The following DLG2 variants were observed in gnomAD, a reference collection of about 807,000 sequenced individuals.
DLG2 encodes disks large homolog 2.
In DLG2, 45 loss-of-function variants were observed where a neutral mutation model predicts 132.5. The ratio of observed to expected loss-of-function variants is 0.34; its 90% CI spans 0.27 to 0.44. DLG2 has a LOEUF of 0.44. DLG2 is among the 20% of genes least tolerant of loss of function. The pLI, the probability that DLG2 is intolerant of heterozygous loss-of-function variation, is 1.00. For synonymous variants in DLG2, 424 were observed against 419.6 expected (o/e 1.01, Z -0.13); for missense variants, 1,045 against 1,196.9 (o/e 0.87, Z 1.87).
At position 84,561,029 on chromosome 11, in the gene DLG2, T is replaced by A. The variant is rs190983967; in HGVS notation, c.358-26298A>T. ...GTTTGGTCTGGTATGGGGAGGCAAA[T>A]GTTAAATGCATAAGTGACTACTGAC... On this transcript the variant is annotated intron_variant, in intron 6 of 27. Coordinates refer to ENST00000376104, the MANE Select transcript of DLG2 (RefSeq NM_001142699.3). Among the ~76,000 whole-genome samples the A allele has an allele frequency of 2.0e-4, 30 of 152,158 alleles. 1 individual carries two copies. In the East Asian group the frequency reaches 5.0e-3, roughly 25 times the overall value.
intron 5 of DLG2, among the ~76,000 whole-genome samples, chr11:85,139,109 A>G (rs144003391): frequency 4.1e-4 from 63 of 152,178 alleles, no homozygotes; most frequent in African/African-American, 1.5e-3. Flanking sequence ...AATCTCTTCC[A>G]TCCCTTCTCC....
Position 83,682,140 on chromosome 11 carries a change from G to A in DLG2, c.1826-48815C>T, listed in dbSNP as rs2078933006. 4.1e-6 allele frequency: 4 copies of A among 985,252 alleles called. No individual in the cohort carries two copies. The Admixed American group carries it at 2.5e-4, about 61-fold the overall frequency. 61.0% of individuals were successfully genotyped at this position (985,252 alleles called of 1,614,324 possible). ...GCTTATTCAACAACAACGATTAGCT[G>A]CAAAGCCAGGAACTTACCGAGCACA... On this transcript the variant is annotated intron_variant, in intron 18 of 27. Coordinates refer to ENST00000376104, the MANE Select transcript of DLG2 (RefSeq NM_001142699.3).
chr11:83,663,727 G>A (rs1174624945), intron 18 of DLG2, among the ~76,000 whole-genome samples: 4 of 152,114 alleles, frequency 2.6e-5, no homozygotes, highest in Non-Finnish European at 5.9e-5. Flanking sequence ...TTAATGCCTG[G>A]TTCCCTCCTA....
intron 18 of DLG2, among the ~76,000 whole-genome samples, chr11:83,675,943 T>C (rs1040822517): frequency 1.3e-5 from 2 of 152,232 alleles, no homozygotes; most frequent in African/African-American, 4.8e-5. Flanking sequence ...GTACTAACTC[T>C]AGTAGACATT....
At chr11:84,477,637 C>T (rs2099125345) in intron 7 of DLG2, among the ~76,000 whole-genome samples, 1 of 152,194 alleles carries the variant, frequency 6.6e-6, no homozygotes, top group East Asian at 1.9e-4. Context: ...AATGCATACG[C>T]CTATTTTGTT....
chr11:85,445,534 G>C (rs2091970295), intron 3 of DLG2, among the ~76,000 whole-genome samples: 2 of 152,146 alleles, frequency 1.3e-5, no homozygotes, highest in Non-Finnish European at 2.9e-5. Context: ...CAAAAAATTA[G>C]CTGTGCATCA....
intron 6 of DLG2, among the ~76,000 whole-genome samples, chr11:85,027,755 G>C (rs977608642): frequency 6.6e-6 from 1 of 152,230 alleles, no homozygotes; most frequent in Admixed American, 6.5e-5. Context: ...GAACACAGTG[G>C]CACTGGGAAG....
chr11:84,539,608 G>A (rs144892630), intron 6 of DLG2, among the ~76,000 whole-genome samples: 5,741 of 152,240 alleles, frequency 0.038, 116 homozygotes, highest in Middle Eastern at 0.065. Context: ...GAAAGTCATC[G>A]GTAGCTTGAT....
At chr11:83,655,454 C>T (rs1199702790) in intron 18 of DLG2, among the ~76,000 whole-genome samples, 1 of 152,112 alleles carries the variant, frequency 6.6e-6, no homozygotes, top group Non-Finnish European at 1.5e-5. Flanking sequence ...TCAGGGAGAG[C>T]ACTTGTCAGA....
intron 15 of DLG2, among the ~76,000 whole-genome samples, chr11:83,898,278 ATG>A (rs1457544644): frequency 6.6e-6 from 1 of 152,168 alleles, no homozygotes; most frequent in Non-Finnish European, 1.5e-5. Flanking sequence ...TATATTGGAT[ATG>A]TAAATATAAA....
chr11:84,096,666 C>G (rs886528865), intron 10 of DLG2, among the ~76,000 whole-genome samples: 4 of 152,206 alleles, frequency 2.6e-5, no homozygotes, highest in African/African-American at 7.2e-5. Context: ...TATCCTCTAA[C>G]AAATCTATTT....
chr11:84,029,175 G>T (rs1360046170), intron 11 of DLG2, among the ~76,000 whole-genome samples: 1 of 151,936 alleles, frequency 6.6e-6, no homozygotes, highest in Non-Finnish European at 1.5e-5. Flanking sequence ...AGCTCAATCA[G>T]TTACTATTTT....
At chr11:85,425,033 C>CA (rs2090603920) in intron 3 of DLG2, among the ~76,000 whole-genome samples, 2 of 30,614 alleles carry the variant, frequency 6.5e-5, no homozygotes, top group Admixed American at 2.7e-4. Context: ...AACAAACAAA[C>CA]AAACAAAAAA....
intron 3 of DLG2, among the ~76,000 whole-genome samples, chr11:85,591,269 A>G (rs529720932): frequency 6.6e-6 from 1 of 152,278 alleles, no homozygotes; most frequent in African/African-American, 2.4e-5. Flanking sequence ...TTGTTTCTCA[A>G]CTCTTTGGAA....
At chr11:84,871,843 CTT>C (rs766268614) in intron 6 of DLG2, among the ~76,000 whole-genome samples, 11 of 152,016 alleles carry the variant, frequency 7.2e-5, no homozygotes, top group South Asian at 2.1e-4. Context: ...TGCGGCTAAT[CTT>C]TGTATTTTTA....
intron 10 of DLG2, among the ~76,000 whole-genome samples, chr11:84,067,333 C>T (rs1566319107): frequency 1.3e-5 from 2 of 151,966 alleles, no homozygotes; most frequent in South Asian, 4.2e-4. Flanking sequence ...GACACCATCT[C>T]CAAACAAAAC....
At chr11:85,264,440 A>G (rs1472190923) in intron 4 of DLG2, among the ~76,000 whole-genome samples, 1 of 152,100 alleles carries the variant, frequency 6.6e-6, no homozygotes, top group African/African-American at 2.4e-5. Flanking sequence ...CTCACCATCA[A>G]AACAGTAATA....
chr11:83,925,250 C>T (rs35377589), intron 15 of DLG2, among the ~76,000 whole-genome samples: 11,271 of 152,104 alleles, frequency 0.074, 605 homozygotes, highest in Non-Finnish European at 0.11. Context: ...AGCTGTAGCC[C>T]ATCAGGTGAT....
At chr11:83,512,470 T>G (rs1486517632) in intron 21 of DLG2, among the ~76,000 whole-genome samples, 2 of 152,198 alleles carry the variant, frequency 1.3e-5, no homozygotes, top group African/African-American at 4.8e-5. Context: ...AAACTATTCT[T>G]TCATCATTTA....
Sources: gnomAD v4.1 joint callset for allele counts (sites outside exome capture counted in the v4.1 genomes callset) on GRCh38, gnomAD v4.1.1 for gene constraint, MANE v1.5 for transcripts, NCBI Gene and HGNC (gene_info 2026-07-23, HGNC 2026-07-21) for gene names.